The following DIO2 variants were observed in gnomAD, a reference collection of about 807,000 sequenced individuals.
DIO2 encodes iodothyronine deiodinase 2, also known as type II iodothyronine deiodinase.
DIO2 carries 19 observed loss-of-function variants against 21.4 expected under a neutral mutation model. The observed-to-expected ratio is 0.89, with a 90% CI of 0.62 to 1.30. The LOEUF is 1.30. DIO2 is among the 50% of genes most tolerant of loss of function. The probability of loss-of-function intolerance (pLI) is 0.00; values close to 1 mark genes in which losing one functional copy is unlikely to be tolerated. For missense variants in DIO2, 302 were observed against 338.1 expected (o/e 0.89, Z 0.84); for synonymous variants, 122 against 132.9 (o/e 0.92, Z 0.57).
chr14:80,212,425 T>A (rs1888244541), upstream of DIO2, among the ~76,000 whole-genome samples: 1 of 152,094 alleles, frequency 6.6e-6, no homozygotes, highest in East Asian at 1.9e-4. Context: ...TTGACAGCCT[T>A]CAGGAAATGC....
intron 2 of DIO2, among the ~76,000 whole-genome samples, chr14:80,219,074 G>A (rs1383598177): frequency 5.3e-5 from 8 of 152,280 alleles, no homozygotes; most frequent in African/African-American, 1.9e-4. Context: ...ACAAAGAAAT[G>A]TTTCCCTACT....
chr14:80,221,579 A>G (rs1185377967), intron 2 of DIO2, among the ~76,000 whole-genome samples: 1 of 152,166 alleles, frequency 6.6e-6, no homozygotes, highest in Non-Finnish European at 1.5e-5. Context: ...ATTTACATCT[A>G]TCCCAAAATG....
upstream of DIO2, among the ~76,000 whole-genome samples, chr14:80,214,216 T>A (rs1432384749): frequency 6.6e-6 from 1 of 152,156 alleles, no homozygotes; most frequent in Admixed American, 6.5e-5. Flanking sequence ...TCTCTCCCCT[T>A]CTCAGACCTT....
chr14:80,211,152 C>T, intron 1 of DIO2, 99 bp downstream of exon 1: 1 of 1,188,060 alleles, frequency 8.4e-7, no homozygotes, highest in South Asian at 1.5e-5. Flanking sequence ...AATAGGGCTT[C>T]ACAGCTCTCC....
At chr14:80,214,806 G>T (rs780055330), upstream of DIO2, among the ~76,000 whole-genome samples, 4 of 152,154 alleles carry the variant, frequency 2.6e-5, no homozygotes, top group Non-Finnish European at 4.4e-5. Flanking sequence ...GACAGAGTAT[G>T]ACTTTTCCCA....
At position 80,202,253 on chromosome 14, in the gene DIO2, A is replaced by G. The variant is rs574871351; in HGVS notation, c.*436T>C. 3 of 512,668 alleles carry G rather than the reference A, an allele frequency of 5.9e-6. No individual in the cohort carries two copies. Among genetic ancestry groups the G allele is most frequent in the African/African-American group, 3.9e-5 (2 of 51,706 alleles). The allele number at this position is 512,668 out of a possible 1,614,324, so 31.8% of individuals were successfully genotyped here. A position where few individuals can be genotyped will look rare whatever the true frequency, so the allele number is the denominator to read the frequency against. On this transcript the variant is annotated 3_prime_UTR_variant, in exon 2 of 2. Coordinates refer to ENST00000438257, the MANE Select transcript of DIO2 (RefSeq NM_013989.5). ...CAAGGACTTGTTGTAATATTTGGGA[A>G]TTTTCCAACTGGGCTCCATCCATGC...
chr14:80,212,832 C>G (rs1181527115), upstream of DIO2, among the ~76,000 whole-genome samples: 1 of 150,514 alleles, frequency 6.6e-6, no homozygotes, highest in East Asian at 1.9e-4. Flanking sequence ...TTTAGTTTTA[C>G]CCAAGCTTCT....
chr14:80,226,390 G>C (rs1469374783), intron 2 of DIO2, among the ~76,000 whole-genome samples: 1 of 152,232 alleles, frequency 6.6e-6, no homozygotes, highest in Non-Finnish European at 1.5e-5. Context: ...GGAATATCAT[G>C]ATGGTGGAAA....
At chr14:80,211,130 G>A in intron 1 of DIO2, 121 bp downstream of exon 1, 2 of 921,114 alleles carry the variant, frequency 2.2e-6, no homozygotes, top group Non-Finnish European at 3.2e-6. Flanking sequence ...AGGCTCACTT[G>A]GCAACCCCAC....
chr14:80,220,558 T>C (rs1888446617), intron 2 of DIO2, among the ~76,000 whole-genome samples: 1 of 152,208 alleles, frequency 6.6e-6, no homozygotes, highest in African/African-American at 2.4e-5. Context: ...CATGCTGACA[T>C]TCCAAATTAG....
intron 1 of DIO2, among the ~76,000 whole-genome samples, chr14:80,205,136 CA>C (rs1323439785): frequency 6.6e-6 from 1 of 152,004 alleles, no homozygotes; most frequent in Non-Finnish European, 1.5e-5. Flanking sequence ...AAATATACAT[CA>C]AATTTAAAGA....
At position 80,218,455 on chromosome 14, in the gene DIO2, C is replaced by T. The variant is rs189399450; in HGVS notation, c.-277-1718G>A. 3.3e-5 allele frequency among the ~76,000 whole-genome samples: 5 copies of T among 152,206 alleles called. No homozygotes were observed. In the East Asian group the frequency reaches 7.7e-4, roughly 24 times the overall value. The stretch of plus-strand genomic sequence containing the variant: ...TAAACTGAACCTGATGCGGAGCCCT[C>T]GAGAGAGGTATGTTCCTTACCTCTA... On this transcript the variant is annotated intron_variant, in intron 2 of 4. Coordinates refer to the DIO2 transcript ENST00000553594.
Position 80,200,094 on chromosome 14 carries a change from A to G in DIO2, c.*2595T>C, listed in dbSNP as rs1054199125. 5 of 152,594 alleles carry G rather than the reference A, an allele frequency of 3.3e-5. No homozygotes were observed. Among genetic ancestry groups the G allele is most frequent in the African/African-American group, 1.2e-4 (5 of 41,434 alleles). 9.5% of individuals were successfully genotyped at this position (152,594 alleles called of 1,614,324 possible). A position where few individuals can be genotyped will look rare whatever the true frequency, so the allele number is the denominator to read the frequency against. On this transcript the variant is annotated 3_prime_UTR_variant, in exon 2 of 2. Transcript: ENST00000438257. ...AATCATAAAAATTCATGTTGCGATA[A>G]ATAGGTTACATAATTACAGGCTTAA... is the stretch of plus-strand genomic sequence containing the variant.
At chr14:80,205,255 C>T (rs1004628981) in intron 1 of DIO2, among the ~76,000 whole-genome samples, 1 of 151,796 alleles carries the variant, frequency 6.6e-6, no homozygotes, top group African/African-American at 2.4e-5. Flanking sequence ...AGATCTTTCC[C>T]ATTTGAAATA....
chr14:80,216,378 TCA>T (rs1476952824), upstream of DIO2, among the ~76,000 whole-genome samples: 1 of 151,782 alleles, frequency 6.6e-6, no homozygotes, highest in Non-Finnish European at 1.5e-5. Flanking sequence ...CCACCGCATT[TCA>T]CAGAGGCCAC....
chr14:80,202,182 A>G lies in DIO2; in HGVS notation c.*507T>C, dbSNP rs538315879. The G allele has an allele frequency of 7.6e-6, 3 of 393,224 alleles. No homozygotes were observed. Among genetic ancestry groups the G allele is most frequent in the South Asian group, 5.8e-5 (3 of 51,378 alleles). The allele number at this position is 393,224 out of a possible 1,614,324, so 24.4% of individuals were successfully genotyped here. ...CTGGAACATCAGAAATGACTCTAAC[A>G]TAAGGTCTAACCTTAACACCAACGT... On this transcript the variant is annotated 3_prime_UTR_variant, in exon 2 of 2. Transcript: ENST00000438257.
chr14:80,228,012 G>A (rs555310472), intron 2 of DIO2, among the ~76,000 whole-genome samples: 45 of 152,220 alleles, frequency 3.0e-4, no homozygotes, highest in South Asian at 6.2e-4. Context: ...AATTTTAGTC[G>A]GACTTATTTC....
chr14:80,215,459 C>G (rs1357642774), upstream of DIO2, among the ~76,000 whole-genome samples: 1 of 152,070 alleles, frequency 6.6e-6, no homozygotes, highest in Non-Finnish European at 1.5e-5. Context: ...ACAACAGTTG[C>G]CATTACTATT....
At chr14:80,217,554 T>G (rs779454243) in intron 2 of DIO2, among the ~76,000 whole-genome samples, 12 of 152,174 alleles carry the variant, frequency 7.9e-5, no homozygotes, top group Non-Finnish European at 1.2e-4. Context: ...AGGCATGAAA[T>G]TTGAATCTAT....
Sources: gnomAD v4.1 joint callset for allele counts (sites outside exome capture counted in the v4.1 genomes callset) on GRCh38, gnomAD v4.1.1 for gene constraint, MANE v1.5 for transcripts, NCBI Gene and HGNC (gene_info 2026-07-23, HGNC 2026-07-21) for gene names.